The following EBF3 variants were observed in gnomAD, a reference collection of about 807,000 sequenced individuals.
The protein encoded by EBF3 is EBF transcription factor 3, also known as transcription factor COE3.
In EBF3, 18 loss-of-function variants were observed where a neutral mutation model predicts 77.1. That is an observed-to-expected ratio of 0.23 (90% CI 0.16 to 0.35). EBF3 has a LOEUF of 0.35. Among genes scored for constraint, EBF3 ranks in the 10% least tolerant of loss-of-function variants. The pLI is 1.00. For missense variants in EBF3, 558 were observed against 860.0 expected (o/e 0.65, Z 4.39); for synonymous variants, 350 against 343.5 (o/e 1.02, Z -0.21).
rs961987369 is a variant in EBF3 at position 129,897,019 on chromosome 10, C to T, written c.555-19170G>A. ...TCCATCAATCTGACTAATCAAGCAT[C>T]GAGGACAGGCACCGCCAGCCTGATT... On this transcript the variant is annotated intron_variant, in intron 6 of 16. Coordinates refer to ENST00000440978, the MANE Select transcript of EBF3 (RefSeq NM_001375380.1). This position sits in a 1 kb window ranked among gnomAD's most constrained non-coding sequence, Gnocchi z 4.6. Among the ~76,000 whole-genome samples the T allele has an allele frequency of 6.6e-6, 1 of 152,216 alleles. No homozygotes were observed. The highest frequency in any genetic ancestry group is 1.9e-4 in the East Asian group (1 of 5,188).
chr10:129,874,309 ACAAAG>A (rs1179569730), intron 7 of EBF3, among the ~76,000 whole-genome samples: 1 of 152,170 alleles, frequency 6.6e-6, no homozygotes, highest in African/African-American at 2.4e-5. Flanking sequence ...AGGTCCAGGC[ACAAAG>A]GATGTCGAGG....
chr10:129,841,302 T>C lies in EBF3; in HGVS notation c.1373-270A>G, dbSNP rs1850035305. ...CCGTCAGTGGCTTTCACGTTTCTCT[T>C]TAGAGGCAATTATCAACAGCTTGGA... On this transcript the variant is annotated intron_variant, in intron 13 of 16. Coordinates refer to ENST00000440978, the MANE Select transcript of EBF3 (RefSeq NM_001375380.1). This position sits in a 1 kb window ranked among gnomAD's most constrained non-coding sequence, Gnocchi z 4.6. Among the ~76,000 whole-genome samples, 1 of 152,118 alleles carries C rather than the reference T, an allele frequency of 6.6e-6. No homozygotes were observed. Among genetic ancestry groups the C allele is most frequent in the Non-Finnish European group, 1.5e-5 (1 of 68,018 alleles).
intron 6 of EBF3, among the ~76,000 whole-genome samples, chr10:129,931,669 A>C (rs541417067): frequency 6.6e-6 from 1 of 152,382 alleles, no homozygotes; most frequent in South Asian, 2.1e-4. Flanking sequence ...TATGCTCTGA[A>C]TTTTATAAAA....
At chr10:129,948,307 A>G (rs1858397017) in intron 6 of EBF3, among the ~76,000 whole-genome samples, 1 of 151,404 alleles carries the variant, frequency 6.6e-6, no homozygotes, top group Non-Finnish European at 1.5e-5. Context: ...TAGCCTGGAA[A>G]GACTACATAA....
intron 6 of EBF3, among the ~76,000 whole-genome samples, chr10:129,929,692 G>C (rs1856882224): frequency 6.6e-6 from 1 of 152,224 alleles, no homozygotes; most frequent in African/African-American, 2.4e-5. Flanking sequence ...GTCCACGAGA[G>C]AGGGCCACAG....
At chr10:129,925,190 A>C (rs1856585240) in intron 6 of EBF3, among the ~76,000 whole-genome samples, 1 of 151,904 alleles carries the variant, frequency 6.6e-6, no homozygotes, top group African/African-American at 2.4e-5. Context: ...CTGTAATCCC[A>C]GCACTTTGGG....
chr10:129,847,159 C>T (rs1229217793), intron 11 of EBF3, among the ~76,000 whole-genome samples: 3 of 152,220 alleles, frequency 2.0e-5, no homozygotes, highest in South Asian at 2.1e-4. Flanking sequence ...GGGAACCCCC[C>T]GAGAGCGCAG....
In EBF3 at chr10:129,835,460, C is replaced by G. The variant is rs773102824; in HGVS notation, c.*2483G>C. ...GACAGTGAAGTGATGTGGGCATTGA[C>G]TACTTAACCTAAAACACAAACCAAG... On this transcript the variant is annotated 3_prime_UTR_variant, in exon 17 of 17. Coordinates refer to ENST00000440978, the MANE Select transcript of EBF3 (RefSeq NM_001375380.1). The G allele has an allele frequency of 6.6e-6, 1 of 152,206 alleles. No individual in the cohort carries two copies. The highest frequency in any genetic ancestry group is 1.5e-5 in the Non-Finnish European group (1 of 68,050). 9.4% of individuals were successfully genotyped at this position (152,206 alleles called of 1,614,324 possible).
At chr10:129,838,080 TC>T (rs1849730112) in intron 16 of EBF3, 120 bp from the exon 17 acceptor site, 1 of 1,227,994 alleles carries the variant, frequency 8.1e-7, no homozygotes, top group African/African-American at 1.5e-5. Context: ...CTTGCACAGT[TC>T]CGTCCACCAG....
At chr10:129,888,379 G>A (rs533796095) in intron 6 of EBF3, among the ~76,000 whole-genome samples, 3 of 152,350 alleles carry the variant, frequency 2.0e-5, no homozygotes, top group Admixed American at 6.5e-5. Flanking sequence ...TAAAGAGGTC[G>A]TTAAAGGCTG....
rs568645487 is a variant in EBF3 at position 129,892,954 on chromosome 10, G to A, written c.555-15105C>T. Among the ~76,000 whole-genome samples, 161 of 152,344 alleles carry A rather than the reference G, an allele frequency of 1.1e-3. 1 individual carries two copies. The highest frequency in any genetic ancestry group is 3.8e-3 in the African/African-American group (157 of 41,586). ...GTTAATTAGCATACTTCCCATGCTC[G>A]TCATGAAGTCACGGGCTAATCTGGC... On this transcript the variant is annotated intron_variant, in intron 6 of 16. Coordinates refer to ENST00000440978, the MANE Select transcript of EBF3 (RefSeq NM_001375380.1).
At chr10:129,845,075 G>T (rs767878690) in intron 11 of EBF3, among the ~76,000 whole-genome samples, 1 of 152,096 alleles carries the variant, frequency 6.6e-6, no homozygotes. Context: ...GGAAAATTAC[G>T]TATGCTCTTA....
In EBF3 at chr10:129,896,161, G is replaced by T. The variant is rs558227848; in HGVS notation, c.555-18312C>A. 1.1e-4 allele frequency among the ~76,000 whole-genome samples: 16 copies of T among 152,198 alleles called. 1 individual carries two copies. In the South Asian group the frequency reaches 3.3e-3, roughly 32 times the overall value. On this transcript the variant is annotated intron_variant, in intron 6 of 16. Transcript: ENST00000440978. ...TTATTATGAAGAAGTCAAAATGCAG[G>T]GTGGGGGGAAGGGGCTTTTATGATC...
At chr10:129,930,792 T>A (rs1589887887) in intron 6 of EBF3, among the ~76,000 whole-genome samples, 1 of 149,320 alleles carries the variant, frequency 6.7e-6, no homozygotes, top group African/African-American at 2.5e-5. Context: ...CCTGTCTATA[T>A]CTATCTCTAT....
chr10:129,895,975 A>G (rs1447346798), intron 6 of EBF3, among the ~76,000 whole-genome samples: 3 of 152,240 alleles, frequency 2.0e-5, no homozygotes, highest in South Asian at 4.1e-4. Flanking sequence ...AATGCTGTAC[A>G]GGTTTTCTAC....
chr10:129,930,759 C>G (rs1020583262), intron 6 of EBF3, among the ~76,000 whole-genome samples: 1 of 143,958 alleles, frequency 6.9e-6, no homozygotes, highest in Non-Finnish European at 1.5e-5. Context: ...AACAAATCCC[C>G]CTCTCATATA....
At position 129,841,047 on chromosome 10, in the gene EBF3, C is replaced by CCA. The variant is rs1850009153; in HGVS notation, c.1373-16_1373-15insTG. 3 of 1,604,202 alleles carry CCA rather than the reference C, an allele frequency of 1.9e-6. No individual in the cohort carries two copies. Among genetic ancestry groups the CCA allele is most frequent in the South Asian group, 2.2e-5 (2 of 89,792 alleles). ...ACTGTAGCCGACTGTTGAAATCCCC[C>CCA]CCCCGGCCAAAAATAACATTATTAT... On this transcript the variant is annotated splice_polypyrimidine_tract_variant and intron_variant, in intron 13 of 16. Transcript: ENST00000440978. This position sits in a 1 kb window ranked among gnomAD's most constrained non-coding sequence, Gnocchi z 4.6.
intron 6 of EBF3, among the ~76,000 whole-genome samples, chr10:129,908,772 G>A (rs778568399): frequency 3.9e-5 from 6 of 152,152 alleles, no homozygotes; most frequent in Non-Finnish European, 5.9e-5. Context: ...TTCAATTTCC[G>A]CCTCCTTTCC....
rs1216284755 is a variant in EBF3, at chr10:129,963,313, G to A, written c.291+54C>T. On this transcript the variant is annotated intron_variant, in intron 2 of 16. Transcript: ENST00000440978. The surrounding 1 kb of genome is among the most constrained non-coding windows in gnomAD (Gnocchi z 7.1). ...ACTCGAACCCCCGCGCACCGGCACCGCCTGCCTCCCGCTTCTAGAAAGAGA... is the reference window on the plus strand; with the variant it reads ...ACTCGAACCCCCGCGCACCGGCACCACCTGCCTCCCGCTTCTAGAAAGAGA... 1 of 1,548,772 alleles carries A rather than the reference G, an allele frequency of 6.5e-7. No homozygotes were observed. The highest frequency in any genetic ancestry group is 2.7e-5 in the East Asian group (1 of 37,676).
Sources: allele counts gnomAD v4.1 joint callset (sites outside exome capture counted in the v4.1 genomes callset), GRCh38; gene constraint gnomAD v4.1.1; non-coding constraint Gnocchi (gnomAD v3.1); transcripts MANE v1.5; gene names NCBI Gene and HGNC (gene_info 2026-07-23, HGNC 2026-07-21).